FAM53B: variants seen among roughly 807,000 people sequenced by gnomAD.
FAM53B encodes the protein protein FAM53B.
FAM53B carries 12 observed loss-of-function variants against 32.7 expected under a neutral mutation model. The ratio of observed to expected loss-of-function variants is 0.37; its 90% CI spans 0.24 to 0.59. FAM53B has a LOEUF of 0.59. Among genes scored for constraint, FAM53B ranks in the 20% least tolerant of loss-of-function variants. The pLI, the probability that FAM53B is intolerant of heterozygous loss-of-function variation, is 0.72. For synonymous variants in FAM53B, 234 were observed against 228.7 expected (o/e 1.02, Z -0.21); for missense variants, 477 against 577.7 (o/e 0.83, Z 1.79).
chr10:124,723,706 C>T (rs1189854116), intron 1 of FAM53B, among the ~76,000 whole-genome samples: 3 of 152,190 alleles, frequency 2.0e-5, no homozygotes, highest in Non-Finnish European at 4.4e-5. Flanking sequence ...CTTGCAGGGC[C>T]GGCCCTGGGC....
intron 4 of FAM53B, among the ~76,000 whole-genome samples, chr10:124,626,040 CAG>C (rs1401005107): frequency 3.3e-5 from 5 of 152,242 alleles, no homozygotes; most frequent in African/African-American, 9.6e-5. Context: ...AGGTGGGTGA[CAG>C]GGCACTGAGG....
chr10:124,624,646 C>T (rs896074697), intron 4 of FAM53B, among the ~76,000 whole-genome samples: 2 of 152,150 alleles, frequency 1.3e-5, no homozygotes, highest in African/African-American at 4.8e-5. Flanking sequence ...GGGGCCTGCC[C>T]GAGCGGCAGG....
intron 4 of FAM53B, among the ~76,000 whole-genome samples, chr10:124,669,319 C>T (rs1480771797): frequency 6.6e-6 from 1 of 152,170 alleles, no homozygotes; most frequent in African/African-American, 2.4e-5. Context: ...TACAACAGGA[C>T]AGCTGAACCG....
chr10:124,690,848 T>G (rs1021719118), intron 3 of FAM53B, among the ~76,000 whole-genome samples: 1 of 152,022 alleles, frequency 6.6e-6, no homozygotes, highest in African/African-American at 2.4e-5. Flanking sequence ...TGAAAACAAA[T>G]CTCATTCTAG....
intron 4 of FAM53B, among the ~76,000 whole-genome samples, chr10:124,643,092 C>G (rs1213998337): frequency 6.6e-6 from 1 of 152,170 alleles, no homozygotes; most frequent in Non-Finnish European, 1.5e-5. Context: ...GAAAAGGACA[C>G]ACAAAACACA....
At chr10:124,624,532 A>T (rs1949332810) in intron 4 of FAM53B, among the ~76,000 whole-genome samples, 1 of 152,038 alleles carries the variant, frequency 6.6e-6, no homozygotes, top group Non-Finnish European at 1.5e-5. Flanking sequence ...CCCCAGAGAG[A>T]GAGTAGGCTG....
At chr10:124,626,343 T>G (rs993964579) in intron 4 of FAM53B, among the ~76,000 whole-genome samples, 2 of 151,158 alleles carry the variant, frequency 1.3e-5, no homozygotes, top group Non-Finnish European at 2.9e-5. Flanking sequence ...CCACCATGAT[T>G]GTGTGGGTCT....
intron 1 of FAM53B, among the ~76,000 whole-genome samples, chr10:124,716,593 T>A (rs1369790129): frequency 6.6e-6 from 1 of 152,200 alleles, no homozygotes; most frequent in Admixed American, 6.5e-5. Context: ...TGAAGCCAAC[T>A]GCATGCATGA....
rs909359149 is a variant in FAM53B, at chr10:124,669,632, G to A, written c.906+11975C>T. Among the ~76,000 whole-genome samples the A allele has an allele frequency of 6.6e-5, 10 of 152,232 alleles. No individual in the cohort carries two copies. In the East Asian group the frequency reaches 1.9e-3, roughly 29 times the overall value. On this transcript the variant is annotated intron_variant, in intron 4 of 4. Coordinates refer to ENST00000337318, the MANE Select transcript of FAM53B (RefSeq NM_014661.4). The stretch of plus-strand genomic sequence containing the variant: ...TCACCATCCCTACCTGACCGTCAGG[G>A]AACCCAAAGCCTAGGGCAAATCCCA...
At chr10:124,716,620 T>C (rs1296061594) in intron 1 of FAM53B, among the ~76,000 whole-genome samples, 1 of 152,194 alleles carries the variant, frequency 6.6e-6, no homozygotes, top group Non-Finnish European at 1.5e-5. Flanking sequence ...AAGAGTCCAT[T>C]TATCAATGAA....
At chr10:124,731,989 A>G (rs187423896) in intron 1 of FAM53B, among the ~76,000 whole-genome samples, 5 of 152,158 alleles carry the variant, frequency 3.3e-5, no homozygotes, top group Admixed American at 2.6e-4. Flanking sequence ...CCTCCTGCCT[A>G]TCTCCTCCTC....
At chr10:124,708,244 G>A (rs1949974973) in intron 1 of FAM53B, among the ~76,000 whole-genome samples, 1 of 152,220 alleles carries the variant, frequency 6.6e-6, no homozygotes, top group Non-Finnish European at 1.5e-5. Context: ...TTTACTTGCT[G>A]TCCAGATTGT....
At chr10:124,688,651 T>A (rs988261917) in intron 3 of FAM53B, among the ~76,000 whole-genome samples, 1 of 152,192 alleles carries the variant, frequency 6.6e-6, no homozygotes, top group Non-Finnish European at 1.5e-5. Flanking sequence ...AGACAAGGAC[T>A]CAAATTCCCA....
chr10:124,665,488 C>T (rs913306634), intron 4 of FAM53B, among the ~76,000 whole-genome samples: 1 of 152,244 alleles, frequency 6.6e-6, no homozygotes, highest in Non-Finnish European at 1.5e-5. Flanking sequence ...AGTGCTAGGC[C>T]CTGCACATGA....
intron 4 of FAM53B, among the ~76,000 whole-genome samples, chr10:124,669,879 G>A (rs1050766744): frequency 4.0e-5 from 6 of 151,688 alleles, no homozygotes; most frequent in African/African-American, 1.2e-4. Flanking sequence ...GGACCACAGG[G>A]TGGGTGAGGA....
intron 1 of FAM53B, among the ~76,000 whole-genome samples, chr10:124,727,948 C>G (rs1291786936): frequency 1.3e-5 from 2 of 152,200 alleles, no homozygotes; most frequent in African/African-American, 4.8e-5. Context: ...TGTAAAGCAT[C>G]ATATGAGACA....
rs78765300 is a variant in FAM53B, at chr10:124,623,311, G to A, written c.1200C>T (p.Arg400=). ...AGCAGAGGCTGTTCCCAGGGGCCCCGCGGTCCCGCCAGGCTGCAGCCGGCT... is the reference window on the plus strand; with the variant it reads ...AGCAGAGGCTGTTCCCAGGGGCCCCACGGTCCCGCCAGGCTGCAGCCGGCT... ...RAEPAAAWRD[R]GAPGNSLCSL... The change falls in exon 5 of 5, where the codon CGC becomes CGT. Residue 400 remains arginine, a synonymous_variant. Coordinates refer to ENST00000337318, the MANE Select transcript of FAM53B (RefSeq NM_014661.4). 156 of 1,612,436 alleles carry A rather than the reference G, an allele frequency of 9.7e-5. No homozygotes were observed. The African/African-American group carries it at 1.7e-3, about 18-fold the overall frequency.
intron 1 of FAM53B, among the ~76,000 whole-genome samples, chr10:124,719,128 T>C (rs1291689450): frequency 6.6e-6 from 1 of 152,124 alleles, no homozygotes. Context: ...AGTCCAGGCA[T>C]TTGGCTTTAA....
Position 124,676,729 on chromosome 10 carries a change from C to T in FAM53B, c.906+4878G>A, listed in dbSNP as rs867180973. ...CAGCAACCCCTCATCCTGCCCAGTC[C>T]CTGCGGCCCCGCCCACCCAGCTCTC... On this transcript the variant is annotated intron_variant, in intron 4 of 4. Transcript: ENST00000337318. Among the ~76,000 whole-genome samples, 142 of 152,314 alleles carry T rather than the reference C, an allele frequency of 9.3e-4. No homozygotes were observed. In the Middle Eastern group the frequency reaches 0.01, roughly 11 times the overall value.
Sources: gnomAD v4.1 joint callset for allele counts (sites outside exome capture counted in the v4.1 genomes callset) on GRCh38, gnomAD v4.1.1 for gene constraint, MANE v1.5 for transcripts, NCBI Gene and HGNC (gene_info 2026-07-23, HGNC 2026-07-21) for gene names.